PTPRD: variants seen among roughly 807,000 people sequenced by gnomAD.
PTPRD encodes the protein receptor-type tyrosine-protein phosphatase delta.
Under a neutral mutation model 214.5 loss-of-function variants are expected in PTPRD, and 34 were observed. The ratio of observed to expected loss-of-function variants is 0.16; its 90% CI spans 0.12 to 0.21. PTPRD has a LOEUF of 0.21. Among genes scored for constraint, PTPRD ranks in the 10% least tolerant of loss-of-function variants. PTPRD has a pLI of 1.00. For synonymous variants in PTPRD, 1,128 were observed against 845.7 expected (o/e 1.33, Z -5.79); for missense variants, 2,545 against 2,398.7 (o/e 1.06, Z -1.27).
intron 9 of PTPRD, among the ~76,000 whole-genome samples, chr9:9,238,889 T>C (rs1314343362): frequency 6.6e-6 from 1 of 152,156 alleles, no homozygotes; most frequent in African/African-American, 2.4e-5. Flanking sequence ...TGAATAAGCT[T>C]CTTAATTTTA....
chr9:8,534,083 G>C (rs888220900), intron 14 of PTPRD, among the ~76,000 whole-genome samples: 1 of 151,976 alleles, frequency 6.6e-6, no homozygotes, highest in Non-Finnish European at 1.5e-5. Flanking sequence ...AGTTTCGTCA[G>C]CAAGTGATTT....
intron 2 of PTPRD, among the ~76,000 whole-genome samples, chr9:10,384,116 A>G (rs4358847): frequency 6.6e-6 from 1 of 151,436 alleles, no homozygotes; most frequent in East Asian, 2.0e-4. Flanking sequence ...ATTTGATGGC[A>G]CAGCAGGGTG....
intron 21 of PTPRD, among the ~76,000 whole-genome samples, chr9:8,516,453 T>A (rs1207587857): frequency 6.6e-6 from 1 of 152,142 alleles, no homozygotes; most frequent in African/African-American, 2.4e-5. Context: ...AGGCGAACTA[T>A]TAATATAAAT....
chr9:9,398,253 T>C (rs2068682359), intron 8 of PTPRD, among the ~76,000 whole-genome samples: 1 of 152,002 alleles, frequency 6.6e-6, no homozygotes, highest in Non-Finnish European at 1.5e-5. Context: ...AGAGAAGAAA[T>C]TATTCTCTTT....
chr9:8,336,179 T>G (rs940377348), intron 43 of PTPRD, among the ~76,000 whole-genome samples: 40 of 148,590 alleles, frequency 2.7e-4, no homozygotes, highest in Admixed American at 2.3e-3. Flanking sequence ...GAACAAGGCT[T>G]GAGAGATCAT....
At chr9:10,045,049 T>A (rs291265) in intron 3 of PTPRD, among the ~76,000 whole-genome samples, 13,110 of 151,690 alleles carry the variant, frequency 0.086, 1,120 homozygotes, top group African/African-American at 0.21. Context: ...TTGCTCACTA[T>A]GTATTTTGGG....
At chr9:8,354,573 G>A (rs988829719) in intron 39 of PTPRD, among the ~76,000 whole-genome samples, 1 of 152,138 alleles carries the variant, frequency 6.6e-6, no homozygotes, top group African/African-American at 2.4e-5. Context: ...TGGAGCATCT[G>A]GGCCTTTGAA....
At chr9:9,456,616 AC>A (rs1222046927) in intron 8 of PTPRD, among the ~76,000 whole-genome samples, 1 of 151,882 alleles carries the variant, frequency 6.6e-6, no homozygotes, top group African/African-American at 2.4e-5. Context: ...TCACCTCTAA[AC>A]TTTAATAAGT....
chr9:9,857,562 T>A (rs1219081586), intron 5 of PTPRD, among the ~76,000 whole-genome samples: 1 of 152,184 alleles, frequency 6.6e-6, no homozygotes, highest in African/African-American at 2.4e-5. Flanking sequence ...GCTCTGCTGA[T>A]AATAAATAAA....
intron 2 of PTPRD, among the ~76,000 whole-genome samples, chr9:10,341,229 G>A (rs1051611900): frequency 6.6e-6 from 1 of 151,880 alleles, no homozygotes; most frequent in African/African-American, 2.4e-5. Flanking sequence ...ATGAAAAATT[G>A]TAACACTTAA....
At chr9:9,662,455 A>C (rs1295908773) in intron 7 of PTPRD, among the ~76,000 whole-genome samples, 1 of 151,644 alleles carries the variant, frequency 6.6e-6, no homozygotes, top group Admixed American at 6.6e-5. Flanking sequence ...TGCCATAAAT[A>C]AGCAATAATG....
At chr9:9,119,886 T>C (rs1006632777) in intron 10 of PTPRD, among the ~76,000 whole-genome samples, 2 of 151,906 alleles carry the variant, frequency 1.3e-5, no homozygotes, top group Non-Finnish European at 2.9e-5. Flanking sequence ...TGAAAGTGTA[T>C]TGTACTTGGG....
intron 4 of PTPRD, among the ~76,000 whole-genome samples, chr9:9,971,796 ATC>A (rs2095115938): frequency 6.6e-6 from 1 of 152,030 alleles, no homozygotes; most frequent in Non-Finnish European, 1.5e-5. Context: ...TTATCCCATA[ATC>A]TCTTTGTGTA....
chr9:8,387,616 C>T (rs913901202), intron 37 of PTPRD, among the ~76,000 whole-genome samples: 1 of 152,288 alleles, frequency 6.6e-6, no homozygotes, highest in Admixed American at 6.5e-5. Context: ...GAAGTGTCAA[C>T]AGGCAGTATG....
chr9:9,639,061 C>T (rs990737397), intron 7 of PTPRD, among the ~76,000 whole-genome samples: 2 of 152,184 alleles, frequency 1.3e-5, no homozygotes, highest in Admixed American at 6.5e-5. Context: ...CCAACACATA[C>T]ATTTTGGAGG....
rs1399674929 is a variant in PTPRD, at chr9:9,950,649, CA to C, written c.-471-12040del. 4.5e-5 allele frequency among the ~76,000 whole-genome samples: 2 copies of C among 44,052 alleles called. 1 individual carries two copies. Among genetic ancestry groups the C allele is most frequent in the Non-Finnish European group, 6.4e-5 (2 of 31,244 alleles). The allele number at this position is 44,052 out of a possible 152,430, so 28.9% of individuals were successfully genotyped here. A position where few individuals can be genotyped will look rare whatever the true frequency, so the allele number is the denominator to read the frequency against. ...TGAGGCAGGAGAATGGCGTGAACCC[CA>C]GGGGGCGGAGCCTGCAGTGAGCCGA... is the stretch of plus-strand genomic sequence containing the variant. On this transcript the variant is annotated intron_variant, in intron 4 of 45. Transcript: ENST00000381196.
chr9:9,266,201 G>T (rs1183294839), intron 9 of PTPRD, among the ~76,000 whole-genome samples: 1 of 151,256 alleles, frequency 6.6e-6, no homozygotes. Context: ...AATTTTAAAC[G>T]TGTGTATGTG....
At chr9:9,016,708 T>C (rs1240452405) in intron 11 of PTPRD, among the ~76,000 whole-genome samples, 1 of 152,142 alleles carries the variant, frequency 6.6e-6, no homozygotes, top group Admixed American at 6.6e-5. Context: ...CAAACAACTG[T>C]AGCAGTCTTT....
At chr9:10,053,469 T>C (rs1042442843) in intron 3 of PTPRD, among the ~76,000 whole-genome samples, 1 of 152,120 alleles carries the variant, frequency 6.6e-6, no homozygotes, top group Non-Finnish European at 1.5e-5. Context: ...ATGTGATGTA[T>C]TGTAACTACA....
Sources: gnomAD v4.1 joint callset for allele counts (sites outside exome capture counted in the v4.1 genomes callset) on GRCh38, gnomAD v4.1.1 for gene constraint, MANE v1.5 for transcripts, NCBI Gene and HGNC (gene_info 2026-07-23, HGNC 2026-07-21) for gene names.